The following CCND3 variants were observed in gnomAD, a reference collection of about 807,000 sequenced individuals.
The protein encoded by CCND3 is cyclin D3.
Under a neutral mutation model 28.7 loss-of-function variants are expected in CCND3, and 9 were observed. The ratio of observed to expected loss-of-function variants is 0.31; its 90% CI spans 0.19 to 0.55. The LOEUF is 0.55. CCND3 is among the 20% of genes least tolerant of loss of function. The pLI is 0.93. For missense variants in CCND3, 315 were observed against 385.8 expected (o/e 0.82, Z 1.54); for synonymous variants, 164 against 163.9 (o/e 1.00, Z 0.00).
chr6:42,034,147 CTT>C (rs529799896), intron 1 of CCND3, among the ~76,000 whole-genome samples: 14 of 137,598 alleles, frequency 1.0e-4, no homozygotes, highest in Admixed American at 2.2e-4. Context: ...AAGACCCTGT[CTT>C]TTTTTTTTTT....
At chr6:42,028,095 A>C (rs985236618) in intron 1 of CCND3, among the ~76,000 whole-genome samples, 2 of 152,336 alleles carry the variant, frequency 1.3e-5, no homozygotes, top group East Asian at 1.9e-4. Context: ...TGTGGAGAGA[A>C]GATTACAAAC....
At chr6:41,978,683 T>G (rs1762248384) in intron 1 of CCND3, among the ~76,000 whole-genome samples, 2 of 152,170 alleles carry the variant, frequency 1.3e-5, no homozygotes, top group African/African-American at 4.8e-5. Flanking sequence ...GTCCTGTGCT[T>G]CTTTCATGAA....
intron 1 of CCND3, among the ~76,000 whole-genome samples, chr6:41,985,946 C>T (rs932041285): frequency 4.7e-5 from 7 of 149,610 alleles, no homozygotes; most frequent in African/African-American, 1.7e-4. Context: ...AGTCTTTAAT[C>T]TATTTTGAGG....
Position 42,048,429 on chromosome 6 carries a change from G to A in CCND3, c.-46+72C>T, listed in dbSNP as rs528108622. 2.4e-5 allele frequency: 10 copies of A among 413,678 alleles called. No individual in the cohort carries two copies. Among genetic ancestry groups the A allele is most frequent in the Admixed American group, 2.3e-4 (8 of 34,644 alleles). 25.6% of individuals were successfully genotyped at this position (413,678 alleles called of 1,614,324 possible). A position where few individuals can be genotyped will look rare whatever the true frequency, so the allele number is the denominator to read the frequency against. ...CGACCCCATTGACCCACCCAGCACC[G>A]ATCCCCAACGCATGGTCTCCAGCCT... On this transcript the variant is annotated intron_variant, in intron 1 of 4. Transcript: ENST00000372988. The surrounding 1 kb of genome is among the most constrained non-coding windows in gnomAD (Gnocchi z 4.7).
chr6:42,025,425 G>A (rs973209079), intron 1 of CCND3, among the ~76,000 whole-genome samples: 25 of 152,222 alleles, frequency 1.6e-4, no homozygotes, highest in South Asian at 4.1e-4. Context: ...GGAAGAATGG[G>A]AAGGAGAGAT....
At chr6:42,028,354 G>A (rs532452584) in intron 1 of CCND3, among the ~76,000 whole-genome samples, 12 of 152,304 alleles carry the variant, frequency 7.9e-5, no homozygotes, top group African/African-American at 2.9e-4. Flanking sequence ...TGGGTTCGGC[G>A]ATGGCCATGC....
chr6:41,941,263 G>C lies in CCND3; in HGVS notation c.198+189C>G, dbSNP rs1776005412. 2.8e-6 allele frequency: 4 copies of C among 1,436,514 alleles called. No homozygotes were observed. The highest frequency in any genetic ancestry group is 3.6e-6 in the Non-Finnish European group (4 of 1,099,068). 89.0% of individuals were successfully genotyped at this position (1,436,514 alleles called of 1,614,324 possible). A position where few individuals can be genotyped will look rare whatever the true frequency, so the allele number is the denominator to read the frequency against. ...AGTGACTGGCAGTCACTGTCGGGAG[G>C]AGCCGATTAGGGCTCGGGAAAGCAA... On this transcript the variant is annotated intron_variant, in intron 1 of 4. Transcript: ENST00000372991. The surrounding 1 kb of genome is among the most constrained non-coding windows in gnomAD (Gnocchi z 6.1).
At chr6:42,012,001 G>C (rs1267523841) in intron 1 of CCND3, among the ~76,000 whole-genome samples, 1 of 152,150 alleles carries the variant, frequency 6.6e-6, no homozygotes, top group Non-Finnish European at 1.5e-5. Flanking sequence ...AGGGTTACAG[G>C]CATTGAGCCA....
intron 1 of CCND3, among the ~76,000 whole-genome samples, chr6:42,022,839 G>T (rs1458647348): frequency 6.6e-6 from 1 of 152,236 alleles, no homozygotes; most frequent in Non-Finnish European, 1.5e-5. Context: ...ATACCACCAG[G>T]AGAGAGATGG....
chr6:41,947,239 G>A (rs1776194364), intron 1 of CCND3, among the ~76,000 whole-genome samples: 1 of 151,266 alleles, frequency 6.6e-6, no homozygotes, highest in Admixed American at 6.6e-5. Flanking sequence ...AAAAAGAAAA[G>A]AAAAGAAACA....
intron 1 of CCND3, among the ~76,000 whole-genome samples, chr6:42,001,252 A>AAAAG (rs1763002531): frequency 1.3e-5 from 2 of 149,808 alleles, no homozygotes; most frequent in Admixed American, 6.6e-5. Context: ...AAAAAAAAAA[A>AAAAG]GCTTATAGGT....
intron 1 of CCND3, among the ~76,000 whole-genome samples, chr6:42,006,573 T>C (rs1311380322): frequency 1.3e-5 from 2 of 152,154 alleles, no homozygotes; most frequent in African/African-American, 2.4e-5. Context: ...ATAGATGATA[T>C]GACTATCTAC....
At chr6:42,019,488 CAAAAAAAAAAA>C (rs57466823) in intron 1 of CCND3, among the ~76,000 whole-genome samples, 1 of 84,828 alleles carries the variant, frequency 1.2e-5, no homozygotes, top group Admixed American at 1.3e-4. Flanking sequence ...GACTCTGTCT[CAAAAAAAAAAA>C]AAAAAAAAAG....
intron 1 of CCND3, among the ~76,000 whole-genome samples, chr6:42,030,917 G>A (rs990164030): frequency 2.6e-5 from 4 of 152,090 alleles, no homozygotes; most frequent in African/African-American, 7.2e-5. Flanking sequence ...CTGAGTGTGC[G>A]TGGATGGGGG....
At chr6:41,954,969 T>G (rs1186998053) in intron 1 of CCND3, among the ~76,000 whole-genome samples, 1 of 152,142 alleles carries the variant, frequency 6.6e-6, no homozygotes, top group Non-Finnish European at 1.5e-5. Flanking sequence ...AATTAACCAA[T>G]CCTGAACCAC....
At chr6:41,951,598 T>G (rs1340063347) in intron 1 of CCND3, among the ~76,000 whole-genome samples, 129 of 114,470 alleles carry the variant, frequency 1.1e-3, no homozygotes, top group African/African-American at 1.5e-3. Flanking sequence ...TAAGTGGGAG[T>G]AAGAAGAGAG....
chr6:41,935,632 A>C lies in CCND3; in HGVS notation c.*308T>G, dbSNP rs1775753788. 6.4e-6 allele frequency: 3 copies of C among 465,818 alleles called. No individual in the cohort carries two copies. Among genetic ancestry groups the C allele is most frequent in the Non-Finnish European group, 1.2e-5 (3 of 260,550 alleles). The allele number at this position is 465,818 out of a possible 1,614,324, so 28.9% of individuals were successfully genotyped here. ...CCCCCAGGGGTGGGGGGGGGCGTTCAAAAGGAATGCTGGTGTATGTATCCA... is the reference window on the plus strand; with the variant it reads ...CCCCCAGGGGTGGGGGGGGGCGTTCCAAAGGAATGCTGGTGTATGTATCCA... On this transcript the variant is annotated 3_prime_UTR_variant, in exon 5 of 5. Coordinates refer to ENST00000372991, the MANE Select transcript of CCND3 (RefSeq NM_001760.5).
At chr6:42,021,243 G>A (rs906994616) in intron 1 of CCND3, among the ~76,000 whole-genome samples, 5 of 152,174 alleles carry the variant, frequency 3.3e-5, no homozygotes, top group Admixed American at 6.5e-5. Context: ...TGGTATGTAT[G>A]TATAGGAAGA....
intron 1 of CCND3, among the ~76,000 whole-genome samples, chr6:42,016,593 C>CTTTTTTTT (rs377188844): frequency 7.2e-6 from 1 of 138,574 alleles, no homozygotes. Context: ...CTATCTATTA[C>CTTTTTTTT]TTTTTTTTTT....
Sources: allele counts gnomAD v4.1 joint callset (sites outside exome capture counted in the v4.1 genomes callset), GRCh38; gene constraint gnomAD v4.1.1; non-coding constraint Gnocchi (gnomAD v3.1); transcripts MANE v1.5; gene names NCBI Gene and HGNC (gene_info 2026-07-23, HGNC 2026-07-21).